Variants in BICC1 observed in about 807,000 individuals in gnomAD.
BICC1 encodes protein bicaudal C homolog 1.
BICC1 carries 43 observed loss-of-function variants against 111.0 expected under a neutral mutation model. That is an observed-to-expected ratio of 0.39 (90% CI 0.30 to 0.50). The LOEUF is 0.50. Ranked by LOEUF, BICC1 falls within the 20% of genes least tolerant of loss-of-function variation. The pLI, the probability that BICC1 is intolerant of heterozygous loss-of-function variation, is 0.88. For missense variants in BICC1, 1,091 were observed against 1,203.2 expected (o/e 0.91, Z 1.38); for synonymous variants, 467 against 434.4 (o/e 1.07, Z -0.93).
At chr10:58,818,063 C>T (rs1045091156) in intron 19 of BICC1, among the ~76,000 whole-genome samples, 3 of 152,158 alleles carry the variant, frequency 2.0e-5, no homozygotes, top group Non-Finnish European at 2.9e-5. Context: ...AACATGATTT[C>T]ATTTTGAATC....
chr10:58,604,976 T>C (rs745997918), intron 1 of BICC1, among the ~76,000 whole-genome samples: 6 of 152,182 alleles, frequency 3.9e-5, no homozygotes, highest in Non-Finnish European at 7.4e-5. Context: ...TTCTCTCTTA[T>C]GAGGGTGCTA....
At chr10:58,673,292 A>G (rs1014349408) in intron 2 of BICC1, among the ~76,000 whole-genome samples, 1 of 152,220 alleles carries the variant, frequency 6.6e-6, no homozygotes. Flanking sequence ...CAAATTCAAT[A>G]GGGTAACAAT....
chr10:58,714,346 G>C (rs542228345), intron 3 of BICC1, among the ~76,000 whole-genome samples: 1 of 152,316 alleles, frequency 6.6e-6, no homozygotes, highest in Admixed American at 6.5e-5. Flanking sequence ...AACAAAATAG[G>C]TGAACTGACA....
At chr10:58,816,263 C>T (rs1268103608) in intron 18 of BICC1, among the ~76,000 whole-genome samples, 3 of 152,090 alleles carry the variant, frequency 2.0e-5, no homozygotes, top group East Asian at 1.9e-4. Flanking sequence ...ACCTTTGACC[C>T]GGTACCTCAA....
rs538454322 is a variant in BICC1, at chr10:58,676,356, A to G, written c.238-25718A>G. Among the ~76,000 whole-genome samples the G allele has an allele frequency of 3.5e-4, 53 of 152,276 alleles. No homozygotes were observed. The South Asian group carries it at 1.0e-2, about 29-fold the overall frequency. On this transcript the variant is annotated intron_variant, in intron 2 of 20. Transcript: ENST00000373886. ...GCAGATCCCACCCCGATGGAGCCCA[A>G]CAAGCTAAGATCTACTGGCTTGAAA...
intron 1 of BICC1, among the ~76,000 whole-genome samples, chr10:58,555,305 C>CTTTTTTTTTTTTTTTTTTTTTTTTTTT (rs1564485963): frequency 1.1e-5 from 1 of 93,828 alleles, no homozygotes; most frequent in African/African-American, 4.4e-5. Flanking sequence ...GGCTGTTGGA[C>CTTTTTTTTTTTTTTTTTTTTTTTTTTT]ATTTTTTTTT....
rs1023531245 is a variant in BICC1 at position 58,724,084 on chromosome 10, T to C, written c.307+21941T>C. On this transcript the variant is annotated intron_variant, in intron 3 of 20. Coordinates refer to ENST00000373886, the MANE Select transcript of BICC1 (RefSeq NM_001080512.3). ...TTCAGTTCAAAGTAATTGAATTTCA[T>C]GTATGGAAGAATGCCTTATGAAACA... is the stretch of plus-strand genomic sequence containing the variant. Among the ~76,000 whole-genome samples, 6 of 152,324 alleles carry C rather than the reference T, an allele frequency of 3.9e-5. No homozygotes were observed. The South Asian group carries it at 6.2e-4, about 16-fold the overall frequency.
chr10:58,784,903 C>T (rs1842968396), intron 3 of BICC1, 98 bp from the exon 4 acceptor site: 2 of 473,654 alleles, frequency 4.2e-6, no homozygotes, highest in Non-Finnish European at 7.3e-6. Context: ...TATTATGGAA[C>T]CTCTTATGTT....
At chr10:58,547,506 G>A (rs1843172343) in intron 1 of BICC1, among the ~76,000 whole-genome samples, 3 of 152,120 alleles carry the variant, frequency 2.0e-5, no homozygotes, top group African/African-American at 7.2e-5. Context: ...GGCTGAGGTG[G>A]TAGTCATCAG....
intron 2 of BICC1, among the ~76,000 whole-genome samples, chr10:58,658,059 T>A (rs1484500094): frequency 1.3e-5 from 2 of 152,206 alleles, no homozygotes; most frequent in Non-Finnish European, 2.9e-5. Context: ...TGGTGAATGA[T>A]GAGTTTTTTC....
At chr10:58,712,615 A>G (rs1384202910) in intron 3 of BICC1, among the ~76,000 whole-genome samples, 2 of 152,214 alleles carry the variant, frequency 1.3e-5, no homozygotes, top group South Asian at 2.1e-4. Flanking sequence ...GAAAGGCTAC[A>G]TACTTTATGA....
rs560770483 is a variant in BICC1 at position 58,813,843 on chromosome 10, C to T, written c.2390C>T (p.Ser797Phe). Residue 797 changes from serine to phenylalanine, a missense_variant, in exon 18 of 21, where the codon TCC becomes TTC. Ser to Phe is a radical substitution (Grantham distance 155). Transcript: ENST00000373886. ...GTCTGTTTACAGGGCTCATCCATGT[C>T]CCTTTCACGGTCCAACAGTCGTGAG... ...MTTTYEGSSM[S>F]LSRSNSREHL... 6.2e-7 allele frequency: 1 copy of T among 1,613,800 alleles called. No individual in the cohort carries two copies. The highest frequency in any genetic ancestry group is 1.7e-5 in the Admixed American group (1 of 59,984).
At chr10:58,550,613 T>C (rs1297181178) in intron 1 of BICC1, among the ~76,000 whole-genome samples, 5 of 152,226 alleles carry the variant, frequency 3.3e-5, no homozygotes, top group African/African-American at 9.6e-5. Context: ...TTGTAAAATA[T>C]AAGGTCCAAG....
chr10:58,518,401 G>C (rs1328330614), intron 1 of BICC1, among the ~76,000 whole-genome samples: 1 of 152,146 alleles, frequency 6.6e-6, no homozygotes, highest in Non-Finnish European at 1.5e-5. Context: ...TGAATGCTGA[G>C]TGTGAGAATG....
At chr10:58,788,484 C>T (rs1185097424) in intron 6 of BICC1, 61 bp downstream of exon 6, 24 of 1,126,584 alleles carry the variant, frequency 2.1e-5, no homozygotes, top group Non-Finnish European at 3.2e-5. Flanking sequence ...TTATAAGGCA[C>T]TAAAAATATA....
At chr10:58,663,803 GTTTAAATAGAATCATA>G (rs1276928455) in intron 2 of BICC1, among the ~76,000 whole-genome samples, 1 of 152,138 alleles carries the variant, frequency 6.6e-6, no homozygotes, top group Non-Finnish European at 1.5e-5. Context: ...GAGATGGTTG[GTTTAAATAGAATCATA>G]TGCTATAGTC....
intron 1 of BICC1, among the ~76,000 whole-genome samples, chr10:58,609,333 T>C (rs910877042): frequency 4.6e-5 from 7 of 152,228 alleles, no homozygotes; most frequent in African/African-American, 1.7e-4. Context: ...AGCTACTGAC[T>C]CTTACTATTT....
Position 58,806,675 on chromosome 10 carries a change from A to C in BICC1, c.2221+52A>C. 2.0e-6 allele frequency: 3 copies of C among 1,463,452 alleles called. No individual in the cohort carries two copies. In the South Asian group the frequency reaches 3.5e-5, roughly 17 times the overall value. 90.7% of individuals were successfully genotyped at this position (1,463,452 alleles called of 1,614,324 possible). ...TTGACTATATTTTAGTACACTCATA[A>C]ATGTTTTTTGAGTACTCATGGTGAA... On this transcript the variant is annotated intron_variant, in intron 16 of 20. Transcript: ENST00000373886.
intron 3 of BICC1, among the ~76,000 whole-genome samples, chr10:58,730,847 G>A (rs960064682): frequency 1.3e-5 from 2 of 152,024 alleles, no homozygotes; most frequent in African/African-American, 4.8e-5. Flanking sequence ...GGGGTTGCAG[G>A]GCCCTTGGCC....
Sources: gnomAD v4.1 joint callset for allele counts (sites outside exome capture counted in the v4.1 genomes callset) on GRCh38, gnomAD v4.1.1 for gene constraint, MANE v1.5 for transcripts, NCBI Gene and HGNC (gene_info 2026-07-23, HGNC 2026-07-21) for gene names.